Variants in PBRM1 observed in about 807,000 individuals in gnomAD.
The protein encoded by PBRM1 is protein polybromo-1.
Under a neutral mutation model 194.5 loss-of-function variants are expected in PBRM1, and 27 were observed. The observed-to-expected ratio is 0.14, with a 90% confidence interval of 0.10 to 0.19. The LOEUF (loss-of-function observed/expected upper bound fraction) is 0.19, where lower values mean the gene tolerates loss of function less well. Ranked by LOEUF, PBRM1 falls within the 10% of genes least tolerant of loss-of-function variation. PBRM1 has a pLI of 1.00. For missense variants in PBRM1, 1,466 were observed against 2,077.2 expected (o/e 0.71, Z 5.72); for synonymous variants, 655 against 693.2 (o/e 0.94, Z 0.87).
intron 13 of PBRM1, among the ~76,000 whole-genome samples, chr3:52,625,466 T>A (rs2153563252): frequency 6.6e-6 from 1 of 152,338 alleles, no homozygotes; most frequent in East Asian, 1.9e-4. Context: ...ATTGTTCTTT[T>A]ATTTGTGTTT....
chr3:52,671,637 T>C (rs371562913), intron 2 of PBRM1, among the ~76,000 whole-genome samples: 3 of 152,388 alleles, frequency 2.0e-5, no homozygotes, highest in South Asian at 2.1e-4. Flanking sequence ...AAATGCTTGG[T>C]ATTGTGTCTA....
At chr3:52,569,504 C>T (rs1385920488) in intron 22 of PBRM1, among the ~76,000 whole-genome samples, 4 of 152,194 alleles carry the variant, frequency 2.6e-5, no homozygotes, top group Non-Finnish European at 5.9e-5. Context: ...GCCACCGCGC[C>T]CGGCCTTCAA....
chr3:52,582,204 T>C (rs1181803771), intron 20 of PBRM1, among the ~76,000 whole-genome samples: 2 of 136,710 alleles, frequency 1.5e-5, no homozygotes, highest in Non-Finnish European at 3.1e-5. Flanking sequence ...ATTGCGCCAC[T>C]GCACTCCAGC....
intron 5 of PBRM1, among the ~76,000 whole-genome samples, chr3:52,656,528 G>C (rs1045752941): frequency 5.3e-5 from 8 of 152,162 alleles, no homozygotes; most frequent in Admixed American, 3.9e-4. Flanking sequence ...AGCCAGGTGT[G>C]GTGGTGCATG....
At chr3:52,572,861 A>G (rs1321446158) in intron 22 of PBRM1, among the ~76,000 whole-genome samples, 2 of 152,246 alleles carry the variant, frequency 1.3e-5, no homozygotes, top group Non-Finnish European at 2.9e-5. Context: ...TTTACATTTA[A>G]TAGTGGTTAG....
At chr3:52,683,028 C>T (rs753212125), upstream of PBRM1, among the ~76,000 whole-genome samples, 5 of 151,916 alleles carry the variant, frequency 3.3e-5, no homozygotes, top group Middle Eastern at 0.01. Flanking sequence ...GGTGAAACCC[C>T]GTCTCCACTA....
At chr3:52,618,220 T>A (rs1004175379) in intron 13 of PBRM1, among the ~76,000 whole-genome samples, 1 of 152,218 alleles carries the variant, frequency 6.6e-6, no homozygotes, top group African/African-American at 2.4e-5. Context: ...TCCTTGAGCA[T>A]GAATCCGTCT....
At chr3:52,679,575 G>A (rs1247840974) in exon 1 of PBRM1, 1 of 1,611,710 alleles carries the variant, frequency 6.2e-7, no homozygotes, top group Non-Finnish European at 8.5e-7. Flanking sequence ...GTTACTCACA[G>A]GATCTACAGT....
At chr3:52,654,830 T>G (rs1329262713) in intron 5 of PBRM1, among the ~76,000 whole-genome samples, 1 of 152,096 alleles carries the variant, frequency 6.6e-6, no homozygotes, top group Non-Finnish European at 1.5e-5. Flanking sequence ...TTCTGTTGCC[T>G]AGGTTGGAGT....
exon 12 of PBRM1, chr3:52,628,987 A>C: frequency 6.2e-7 from 1 of 1,610,242 alleles, no homozygotes; most frequent in Non-Finnish European, 8.5e-7. Context: ...AATTCAGATC[A>C]CACTCCAAAT....
chr3:52,607,885 C>T (rs995881180), intron 16 of PBRM1, among the ~76,000 whole-genome samples: 5 of 152,162 alleles, frequency 3.3e-5, no homozygotes, highest in Non-Finnish European at 7.3e-5. Flanking sequence ...ACACATGGGC[C>T]TCACCAAACT....
intron 6 of PBRM1, 89 bp downstream of exon 7, chr3:52,651,653 T>C: frequency 1.5e-6 from 1 of 656,842 alleles, no homozygotes; most frequent in Middle Eastern, 2.6e-4. Flanking sequence ...CAGAGACAAC[T>C]AGCTTCTCTG....
chr3:52,641,464 G>A (rs7643226), intron 10 of PBRM1, among the ~76,000 whole-genome samples: 8,615 of 102,966 alleles, frequency 0.084, 642 homozygotes, highest in African/African-American at 0.2. Flanking sequence ...AAAAAAAAAA[G>A]AAAAAAAAAA....
chr3:52,576,244 T>G (rs934883385), intron 22 of PBRM1, among the ~76,000 whole-genome samples: 1 of 152,140 alleles, frequency 6.6e-6, no homozygotes, highest in East Asian at 1.9e-4. Flanking sequence ...GAATTCTATA[T>G]CTAGGAAAAC....
At chr3:52,664,412 G>GAAAAAAAAAAA (rs58727570) in intron 3 of PBRM1, among the ~76,000 whole-genome samples, 2 of 101,180 alleles carry the variant, frequency 2.0e-5, no homozygotes, top group African/African-American at 3.8e-5. Flanking sequence ...TGAAAGAACT[G>GAAAAAAAAAAA]AAAAAAAAAA....
At chr3:52,618,491 TAAAG>T (rs1476985138) in intron 13 of PBRM1, among the ~76,000 whole-genome samples, 1 of 151,710 alleles carries the variant, frequency 6.6e-6, no homozygotes, top group Non-Finnish European at 1.5e-5. Context: ...AGGGCACGGC[TAAAG>T]AAATTCTAGC....
chr3:52,659,431 G>A (rs535852638), intron 4 of PBRM1, among the ~76,000 whole-genome samples: 13 of 152,160 alleles, frequency 8.5e-5, no homozygotes, highest in African/African-American at 3.1e-4. Context: ...ATTTTAAGGT[G>A]CAACACTTTT....
intron 22 of PBRM1, among the ~76,000 whole-genome samples, chr3:52,572,763 T>C (rs201200965): frequency 1.3e-5 from 2 of 152,214 alleles, no homozygotes; most frequent in East Asian, 3.8e-4. Flanking sequence ...GTCTCCTTTG[T>C]ATGTAACAGA....
At chr3:52,549,808 G>C (rs758820566) in intron 29 of PBRM1, among the ~76,000 whole-genome samples, 3 of 151,878 alleles carry the variant, frequency 2.0e-5, no homozygotes, top group Non-Finnish European at 2.9e-5. Flanking sequence ...AGGAGGCTAA[G>C]ACACAAGAAT....
Sources: allele counts gnomAD v4.1 joint callset (sites outside exome capture counted in the v4.1 genomes callset), GRCh38; gene constraint gnomAD v4.1.1; transcripts MANE v1.5; gene names NCBI Gene and HGNC (gene_info 2026-07-23, HGNC 2026-07-21).